GRM7: variants seen among roughly 807,000 people sequenced by gnomAD.
The protein encoded by GRM7 is glutamate metabotropic receptor 7, also known as metabotropic glutamate receptor 7.
A neutral mutation model predicts 84.5 loss-of-function variants in GRM7; 35 were observed. That is an observed-to-expected ratio of 0.41 (90% CI 0.32 to 0.55). The LOEUF is 0.55. Among genes scored for constraint, GRM7 ranks in the 20% least tolerant of loss-of-function variants. GRM7 has a pLI of 0.19. For missense variants in GRM7, 1,003 were observed against 1,194.6 expected (o/e 0.84, Z 2.36); for synonymous variants, 487 against 455.1 (o/e 1.07, Z -0.89).
Position 7,021,608 on chromosome 3 carries a change from A to G in GRM7, c.520-124844A>G, listed in dbSNP as rs149059400. On this transcript the variant is annotated intron_variant, in intron 1 of 9. Coordinates refer to ENST00000357716, the MANE Select transcript of GRM7 (RefSeq NM_000844.4). ...ACTAAAGAGGTGAACCCTACCTAGAATATCTTAGAGCAAACCTTGCCTTAA... is the reference window on the plus strand; with the variant it reads ...ACTAAAGAGGTGAACCCTACCTAGAGTATCTTAGAGCAAACCTTGCCTTAA... Among the ~76,000 whole-genome samples, 870 of 152,322 alleles carry G rather than the reference A, an allele frequency of 5.7e-3. 9 individuals carry two copies. The highest frequency in any genetic ancestry group is 0.019 in the African/African-American group (809 of 41,580).
intron 2 of GRM7, among the ~76,000 whole-genome samples, chr3:7,269,143 C>T (rs1698759396): frequency 6.6e-6 from 1 of 152,204 alleles, no homozygotes; most frequent in East Asian, 1.9e-4. Context: ...CAAAGCAAGG[C>T]ATGCTTTTCC....
Position 7,666,692 on chromosome 3 carries a change from G to C in GRM7, c.2452-13357G>C, listed in dbSNP as rs531675826. Among the ~76,000 whole-genome samples the C allele has an allele frequency of 3.7e-3, 566 of 152,282 alleles. 3 individuals are homozygous for C. The highest frequency in any genetic ancestry group is 0.017 in the Middle Eastern group (5 of 294). Reference sequence around the variant, plus strand: ...GGTTAAACATATCTGAGACAGGTGAGGGCATTGGGATGAGAAGGGAACAAA... The same window carrying C: ...GGTTAAACATATCTGAGACAGGTGACGGCATTGGGATGAGAAGGGAACAAA... On this transcript the variant is annotated intron_variant, in intron 8 of 9. Transcript: ENST00000357716.
chr3:7,693,063 T>C (rs1700869467), intron 9 of GRM7, among the ~76,000 whole-genome samples: 1 of 151,992 alleles, frequency 6.6e-6, no homozygotes. Flanking sequence ...TCTAAAAATT[T>C]AAATACTGTA....
intron 1 of GRM7, among the ~76,000 whole-genome samples, chr3:7,115,276 T>C (rs1175676207): frequency 6.6e-6 from 1 of 152,148 alleles, no homozygotes; most frequent in Non-Finnish European, 1.5e-5. Context: ...CTGCTTAAAG[T>C]CACTCTGCTT....
intron 5 of GRM7, among the ~76,000 whole-genome samples, chr3:7,451,616 C>T (rs897476791): frequency 5.3e-5 from 8 of 152,228 alleles, no homozygotes; most frequent in African/African-American, 1.7e-4. Flanking sequence ...CCTGGGCCAT[C>T]ATCATTGCTC....
intron 7 of GRM7, among the ~76,000 whole-genome samples, chr3:7,462,996 C>T (rs1698311304): frequency 6.7e-6 from 1 of 148,966 alleles, no homozygotes; most frequent in Admixed American, 6.7e-5. Flanking sequence ...AAAAGGTAAA[C>T]TCAAGGTGGG....
At chr3:7,224,345 G>T (rs1266392369) in intron 2 of GRM7, among the ~76,000 whole-genome samples, 1 of 152,146 alleles carries the variant, frequency 6.6e-6, no homozygotes, top group Admixed American at 6.5e-5. Context: ...TTATCAAAAG[G>T]ATAGTATCAA....
intron 1 of GRM7, among the ~76,000 whole-genome samples, chr3:6,946,183 A>G (rs368060614): frequency 3.9e-5 from 6 of 152,208 alleles, no homozygotes; most frequent in East Asian, 3.9e-4. Flanking sequence ...TAGGGTTTTT[A>G]TGGTTTTAGG....
rs756611074 is a variant in GRM7, at chr3:6,862,067, C to A, written c.519+160C>A. On this transcript the variant is annotated intron_variant, in intron 1 of 9. Transcript: ENST00000357716. This position sits in a 1 kb window ranked among gnomAD's most constrained non-coding sequence, Gnocchi z 5.2. Reference sequence around the variant, plus strand: ...CCTCCCACCCCGCTCGAGGAGATACCTTCCCTGCTTGGTTTATTTCCCTTC... The same window carrying A: ...CCTCCCACCCCGCTCGAGGAGATACATTCCCTGCTTGGTTTATTTCCCTTC... Among the ~76,000 whole-genome samples, 4 of 152,016 alleles carry A rather than the reference C, an allele frequency of 2.6e-5. No homozygotes were observed. Among genetic ancestry groups the A allele is most frequent in the Non-Finnish European group, 4.4e-5 (3 of 68,016 alleles).
intron 4 of GRM7, among the ~76,000 whole-genome samples, chr3:7,312,151 A>G (rs1700420697): frequency 6.6e-6 from 1 of 152,162 alleles, no homozygotes; most frequent in Non-Finnish European, 1.5e-5. Context: ...CATTTAGGAC[A>G]CTAGGAGCAG....
chr3:7,479,907 C>G (rs1001550798), intron 7 of GRM7, among the ~76,000 whole-genome samples: 2 of 152,190 alleles, frequency 1.3e-5, no homozygotes, highest in Non-Finnish European at 1.5e-5. Context: ...TTAACTAACT[C>G]TAACTCTTGT....
chr3:7,048,754 T>C (rs1434345824), intron 1 of GRM7, among the ~76,000 whole-genome samples: 3 of 151,964 alleles, frequency 2.0e-5, no homozygotes, highest in Admixed American at 6.6e-5. Context: ...AAAGTCTGTC[T>C]TGGCAATTTT....
intron 4 of GRM7, among the ~76,000 whole-genome samples, chr3:7,374,532 G>A (rs941322639): frequency 6.6e-6 from 1 of 151,966 alleles, no homozygotes; most frequent in East Asian, 1.9e-4. Context: ...AGGCTGGAGT[G>A]CAATGGTGCG....
At chr3:6,904,895 A>AT (rs1574996336) in intron 1 of GRM7, among the ~76,000 whole-genome samples, 1 of 151,636 alleles carries the variant, frequency 6.6e-6, no homozygotes, top group South Asian at 2.1e-4. Flanking sequence ...TAATTTGTGT[A>AT]TTTTTTCTGT....
chr3:7,614,306 C>A (rs945810896), intron 8 of GRM7, among the ~76,000 whole-genome samples: 1 of 152,070 alleles, frequency 6.6e-6, no homozygotes, highest in African/African-American at 2.4e-5. Flanking sequence ...TGATAAACAG[C>A]ACCCAGGTAA....
intron 1 of GRM7, among the ~76,000 whole-genome samples, chr3:6,877,827 A>T (rs1695368881): frequency 6.6e-6 from 1 of 150,930 alleles, no homozygotes; most frequent in Admixed American, 6.6e-5. Flanking sequence ...ACACACACAC[A>T]CACACACACA....
At chr3:6,919,301 C>T (rs930656345) in intron 1 of GRM7, among the ~76,000 whole-genome samples, 3 of 151,536 alleles carry the variant, frequency 2.0e-5, no homozygotes, top group Non-Finnish European at 2.9e-5. Flanking sequence ...TGGGTTCAAG[C>T]GATTCTTCTG....
chr3:7,646,648 C>T (rs563352096), intron 8 of GRM7, among the ~76,000 whole-genome samples: 2 of 151,844 alleles, frequency 1.3e-5, no homozygotes, highest in Non-Finnish European at 2.9e-5. Flanking sequence ...TTCTCATGTC[C>T]AAAAAAAGAC....
chr3:7,449,696 C>T (rs1438144491), intron 5 of GRM7, among the ~76,000 whole-genome samples: 1 of 152,042 alleles, frequency 6.6e-6, no homozygotes. Context: ...ATAGTAAAGG[C>T]AGAACCTCAA....
Sources: gnomAD v4.1 joint callset for allele counts (sites outside exome capture counted in the v4.1 genomes callset) on GRCh38, gnomAD v4.1.1 for gene constraint, Gnocchi (gnomAD v3.1) non-coding constraint, MANE v1.5 for transcripts, NCBI Gene and HGNC (gene_info 2026-07-23, HGNC 2026-07-21) for gene names.